Variants in PRKG1 observed in about 807,000 individuals in gnomAD.
PRKG1 encodes protein kinase cGMP-dependent 1.
Under a neutral mutation model 88.1 loss-of-function variants are expected in PRKG1, and 35 were observed. The observed-to-expected ratio is 0.40, with a 90% CI of 0.30 to 0.53. The LOEUF is 0.53. Ranked by LOEUF, PRKG1 falls within the 20% of genes least tolerant of loss-of-function variation. PRKG1 has a pLI of 0.59. For missense variants in PRKG1, 540 were observed against 839.8 expected (o/e 0.64, Z 4.41); for synonymous variants, 303 against 292.5 (o/e 1.04, Z -0.37).
chr10:52,290,198 T>C, intron 16 of PRKG1, 26 bp from the exon 17 acceptor site: 1 of 1,605,710 alleles, frequency 6.2e-7, no homozygotes, highest in Non-Finnish European at 8.5e-7. Context: ...ACAAAATGTT[T>C]TTATCAACGT....
At chr10:51,301,565 A>G (rs1035548393) in intron 2 of PRKG1, among the ~76,000 whole-genome samples, 1 of 152,184 alleles carries the variant, frequency 6.6e-6, no homozygotes, top group African/African-American at 2.4e-5. Context: ...TTTAAGTCAA[A>G]TGGAGCAACA....
intron 2 of PRKG1, among the ~76,000 whole-genome samples, chr10:51,161,228 TAC>T (rs1309781709): frequency 6.6e-6 from 1 of 151,910 alleles, no homozygotes; most frequent in Non-Finnish European, 1.5e-5. Flanking sequence ...AGCTGACTAA[TAC>T]AGTTTTTTTT....
At chr10:51,849,242 G>C (rs1346762339) in intron 4 of PRKG1, among the ~76,000 whole-genome samples, 1 of 151,990 alleles carries the variant, frequency 6.6e-6, no homozygotes, top group African/African-American at 2.4e-5. Flanking sequence ...ATCGTTCTTG[G>C]AGCCAAACAG....
intron 1 of PRKG1, among the ~76,000 whole-genome samples, chr10:51,046,399 T>A (rs1047331767): frequency 6.6e-6 from 1 of 152,216 alleles, no homozygotes; most frequent in African/African-American, 2.4e-5. Context: ...AGTGCTGGCA[T>A]ACTGTTAGGG....
At chr10:51,374,113 T>TATATATATATATATATATATATATAG in intron 2 of PRKG1, among the ~76,000 whole-genome samples, 1 of 143,816 alleles carries the variant, frequency 7.0e-6, no homozygotes, top group Admixed American at 6.9e-5. Flanking sequence ...TATATATATA[T>TATATATATATATATATATATATATAG]GTACTTTAAG....
At chr10:52,114,058 G>C (rs531048403) in intron 7 of PRKG1, among the ~76,000 whole-genome samples, 1 of 152,178 alleles carries the variant, frequency 6.6e-6, no homozygotes, top group East Asian at 1.9e-4. Flanking sequence ...GAAGGGAGTG[G>C]TAGAGGAGTG....
At chr10:51,803,565 A>G (rs1839229423) in intron 3 of PRKG1, among the ~76,000 whole-genome samples, 1 of 152,074 alleles carries the variant, frequency 6.6e-6, no homozygotes, top group Admixed American at 6.6e-5. Flanking sequence ...CCAAATCATG[A>G]TCCATCACAT....
intron 9 of PRKG1, among the ~76,000 whole-genome samples, chr10:52,168,027 C>G (rs922409786): frequency 6.6e-6 from 1 of 152,154 alleles, no homozygotes; most frequent in Non-Finnish European, 1.5e-5. Context: ...CCTCTGTAGT[C>G]CCTCATGCAC....
At chr10:51,832,567 C>T (rs79576085) in intron 4 of PRKG1, among the ~76,000 whole-genome samples, 1 of 151,482 alleles carries the variant, frequency 6.6e-6, no homozygotes, top group Non-Finnish European at 1.5e-5. Flanking sequence ...TTTTTTCCAC[C>T]CTCTGTAGGT....
intron 3 of PRKG1, among the ~76,000 whole-genome samples, chr10:51,523,217 T>A (rs1178175886): frequency 6.6e-6 from 1 of 152,152 alleles, no homozygotes; most frequent in Non-Finnish European, 1.5e-5. Flanking sequence ...CTGCAGTCAT[T>A]TTGTCAAGGG....
chr10:51,678,385 A>T (rs966578520), intron 3 of PRKG1, among the ~76,000 whole-genome samples: 41 of 152,152 alleles, frequency 2.7e-4, no homozygotes, highest in Admixed American at 2.0e-4. Context: ...CATAGTTGGG[A>T]TTGGGATTTT....
At position 50,991,421 on chromosome 10, in the gene PRKG1, A is replaced by G; in HGVS notation, c.43A>G (p.Lys15Glu). 6.3e-7 allele frequency: 1 copy of G among 1,578,584 alleles called. No homozygotes were observed. The highest frequency in any genetic ancestry group is 8.6e-7 in the Non-Finnish European group (1 of 1,163,178). The change falls in exon 1 of 18, where the codon AAG becomes GAG. Residue 15 changes from lysine (K) to glutamate (E), a missense_variant. By Grantham distance (56) the Lys-to-Glu change is moderately conservative (BLOSUM62 1). Coordinates refer to the PRKG1 transcript ENST00000401604. The surrounding 1 kb of genome is among the most constrained non-coding windows in gnomAD (Gnocchi z 4.5). ...AGACTTTGCCAAGATTCTCATGCTCAAGGAGGAGAGGATCAAAGAGCTGGA... is the reference window on the plus strand; with the variant it reads ...AGACTTTGCCAAGATTCTCATGCTCGAGGAGGAGAGGATCAAAGAGCTGGA...
chr10:52,285,762 T>A (rs1405476617), intron 14 of PRKG1, among the ~76,000 whole-genome samples: 1 of 152,032 alleles, frequency 6.6e-6, no homozygotes, highest in African/African-American at 2.4e-5. Context: ...CAAGTGTTCA[T>A]AAATGAGAAG....
At chr10:52,158,084 A>G (rs1161991724) in intron 8 of PRKG1, among the ~76,000 whole-genome samples, 6 of 151,734 alleles carry the variant, frequency 4.0e-5, no homozygotes, top group Admixed American at 6.6e-5. Context: ...CATGTCTTTA[A>G]TTTCTTCCGA....
chr10:52,169,366 A>G (rs1838592892), intron 9 of PRKG1, among the ~76,000 whole-genome samples: 2 of 152,152 alleles, frequency 1.3e-5, no homozygotes, highest in South Asian at 4.1e-4. Context: ...TGGCATATAG[A>G]CAGCTGCCTT....
chr10:52,260,535 A>G (rs1270037239), intron 10 of PRKG1, among the ~76,000 whole-genome samples: 1 of 152,142 alleles, frequency 6.6e-6, no homozygotes, highest in Non-Finnish European at 1.5e-5. Flanking sequence ...AACTTCACCT[A>G]CGTGGTTATA....
At chr10:51,230,992 T>G (rs1458612863) in intron 2 of PRKG1, among the ~76,000 whole-genome samples, 1 of 152,184 alleles carries the variant, frequency 6.6e-6, no homozygotes, top group African/African-American at 2.4e-5. Flanking sequence ...CTGTCCCCAG[T>G]GCCCTGGTTA....
intron 1 of PRKG1, among the ~76,000 whole-genome samples, chr10:51,056,680 C>T (rs1010740015): frequency 1.3e-5 from 2 of 152,110 alleles, no homozygotes; most frequent in Non-Finnish European, 2.9e-5. Context: ...ACTGTAGCTA[C>T]CTTTCCATTA....
At chr10:51,032,190 T>C (rs117211988) in intron 1 of PRKG1, among the ~76,000 whole-genome samples, 1 of 152,116 alleles carries the variant, frequency 6.6e-6, no homozygotes, top group African/African-American at 2.4e-5. Flanking sequence ...GGATCATGTG[T>C]ACCTGTTGTC....
Sources: allele counts gnomAD v4.1 joint callset (sites outside exome capture counted in the v4.1 genomes callset), GRCh38; gene constraint gnomAD v4.1.1; non-coding constraint Gnocchi (gnomAD v3.1); transcripts MANE v1.5; gene names NCBI Gene and HGNC (gene_info 2026-07-23, HGNC 2026-07-21).